The following ABCA6 variants were observed in gnomAD, a reference collection of about 807,000 sequenced individuals.
ABCA6 encodes ATP binding cassette subfamily A member 6, also known as ATP-binding cassette sub-family A member 6.
A neutral mutation model predicts 191.2 loss-of-function variants in ABCA6; 164 were observed. The observed-to-expected ratio is 0.86, with a 90% CI of 0.76 to 0.98. The LOEUF (loss-of-function observed/expected upper bound fraction) is 0.98. Among genes scored for constraint, ABCA6 ranks in the 50% least tolerant of loss-of-function variants. The pLI, the probability that ABCA6 is intolerant of heterozygous loss-of-function variation, is 0.00. For missense variants in ABCA6, 1,958 were observed against 1,894.1 expected, an observed-to-expected ratio of 1.03 and a Z score of -0.63; for synonymous variants, 636 against 647.7, an observed-to-expected ratio of 0.98 and a Z score of 0.27.
At chr17:69,109,883 A>G (rs193247372) in intron 17 of ABCA6, 1 of 152,296 alleles carries the variant, frequency 6.6e-6, no homozygotes, top group African/African-American at 2.4e-5. Context: ...GAAAAGCCAT[A>G]AAATGCTTCC....
At position 69,124,959 on chromosome 17, in the gene ABCA6, G is replaced by A. The variant is rs2073721860; in HGVS notation, c.1196C>T (p.Thr399Ile). The part of the protein sequence containing the change: ...PSGDSYTMIA[T>I]FSMLLLDGLI... Reference sequence around the variant, plus strand: ...ACCATCCAAAAGCAACATAGAAAAAGTTGCTATCATTGTATATGAGTCTCC... The same window carrying A: ...ACCATCCAAAAGCAACATAGAAAAAATTGCTATCATTGTATATGAGTCTCC... Residue 399 changes from threonine to isoleucine, a missense_variant, in exon 9 of 39, where the codon ACT becomes ATT. Thr to Ile is a moderately conservative substitution (Grantham distance 89). Coordinates refer to ENST00000284425, the MANE Select transcript of ABCA6 (RefSeq NM_080284.3). 1.3e-6 allele frequency: 2 copies of A among 1,572,538 alleles called. No individual in the cohort carries two copies. Among genetic ancestry groups the A allele is most frequent in the Non-Finnish European group, 1.7e-6 (2 of 1,157,656 alleles).
At chr17:69,121,227 C>A (rs992363387) in intron 10 of ABCA6, among the ~76,000 whole-genome samples, 1 of 152,052 alleles carries the variant, frequency 6.6e-6, no homozygotes, top group Non-Finnish European at 1.5e-5. Context: ...GAAATGATCA[C>A]TGTGAAGAAA....
At chr17:69,117,805 C>A in intron 11 of ABCA6, 93 bp downstream of exon 11, 1 of 866,172 alleles carries the variant, frequency 1.2e-6, no homozygotes, top group South Asian at 1.6e-5. Context: ...TTTTGCTTAT[C>A]TACATATTTC....
chr17:69,123,192 C>A (rs1305433286), intron 10 of ABCA6, 47 bp downstream of exon 10: 3 of 1,234,920 alleles, frequency 2.4e-6, no homozygotes, highest in Admixed American at 2.9e-5. Context: ...AATAATAATT[C>A]TTCAGCCTTG....
At chr17:69,079,143 C>T in intron 38 of ABCA6, 67 bp downstream of exon 38, 1 of 1,578,834 alleles carries the variant, frequency 6.3e-7, no homozygotes, top group Non-Finnish European at 8.7e-7. Flanking sequence ...TCCAAATGAA[C>T]AGGAAAATGC....
intron 3 of ABCA6, among the ~76,000 whole-genome samples, 159 bp downstream of exon 3, chr17:69,137,137 T>G (rs1208256695): frequency 1.3e-5 from 2 of 152,198 alleles, no homozygotes; most frequent in Non-Finnish European, 2.9e-5. Context: ...GGCTAGTTGT[T>G]GTGAGAGAAA....
rs894392206 is a variant in ABCA6 at position 69,086,509 on chromosome 17, A to G, written c.3937+109T>C. ...TAAATATATATATATATATATATAT[A>G]TAGAATAAATGAATGAATGCTTCAG... is the stretch of plus-strand genomic sequence containing the variant. On this transcript the variant is annotated intron_variant, in intron 30 of 38. Transcript: ENST00000284425. The G allele has an allele frequency of 5.4e-5, 18 of 336,446 alleles. No homozygotes were observed. The Admixed American group carries it at 5.7e-4, about 11-fold the overall frequency. 20.8% of individuals were successfully genotyped at this position (336,446 alleles called of 1,614,324 possible).
intron 16 of ABCA6, 95 bp downstream of exon 16, chr17:69,112,088 T>C (rs2073434346): frequency 1.1e-6 from 1 of 905,948 alleles, no homozygotes; most frequent in South Asian, 1.4e-5. Flanking sequence ...ATGGTAGAGA[T>C]GAAGCACGAG....
Position 69,081,108 on chromosome 17 carries a change from C to T in ABCA6, c.4654G>A (p.Asp1552Asn), listed in dbSNP as rs565714382. ...SLLTYKLPVA[D>N]VYPLSQTFHK... is the part of the protein sequence containing the mutation. ...AAGGTCTGTGATAGAGGGTAAACGT[C>T]TGCCACGGGCAGCTTATAGGTTAAC... The change falls in exon 37 of 39, where the codon GAC becomes AAC. Residue 1552 changes from aspartate to asparagine, a missense_variant. By Grantham distance (23) the Asp-to-Asn change is conservative. Coordinates refer to ENST00000284425, the MANE Select transcript of ABCA6 (RefSeq NM_080284.3). The T allele has an allele frequency of 5.4e-5, 87 of 1,604,718 alleles. 3 individuals are homozygous for T. In the South Asian group the frequency reaches 9.4e-4, roughly 17 times the overall value.
intron 18 of ABCA6, 32 bp from the exon 19 acceptor site, chr17:69,106,243 T>C: frequency 6.4e-7 from 1 of 1,566,656 alleles, no homozygotes; most frequent in Non-Finnish European, 8.6e-7. Flanking sequence ...AACACACATA[T>C]TATAATATTA....
Position 69,084,431 on chromosome 17 carries a change from C to A in ABCA6, c.4260+1G>T. ...CATAGAGCATCACACACCGCACGTA[C>A]CTTTCTCGTGATTCCTGCTGTTAAT... On this transcript the variant is annotated splice_donor_variant, in intron 33 of 38. Transcript: ENST00000284425. LOFTEE classifies it high-confidence loss of function. 1.2e-6 allele frequency: 2 copies of A among 1,614,164 alleles called. No individual in the cohort carries two copies. The highest frequency in any genetic ancestry group is 2.2e-5 in the East Asian group (1 of 44,878).
At chr17:69,115,313 G>C in intron 12 of ABCA6, 63 bp downstream of exon 12, 1 of 1,117,190 alleles carries the variant, frequency 9.0e-7, no homozygotes, top group Admixed American at 2.1e-5. Context: ...AAAATGAGAG[G>C]CATATGCTTG....
At chr17:69,102,385 A>G (rs1234069969) in intron 21 of ABCA6, among the ~76,000 whole-genome samples, 2 of 152,152 alleles carry the variant, frequency 1.3e-5, no homozygotes, top group Non-Finnish European at 2.9e-5. Flanking sequence ...ATGAATCTCT[A>G]TGGCTTGACT....
intron 26 of ABCA6, among the ~76,000 whole-genome samples, chr17:69,090,307 C>T (rs1319369360): frequency 1.3e-5 from 2 of 152,214 alleles, no homozygotes; most frequent in African/African-American, 2.4e-5. Flanking sequence ...GTGTTCTCCA[C>T]TTAACTTTCT....
chr17:69,092,288 A>C (rs1191323314), intron 25 of ABCA6, among the ~76,000 whole-genome samples: 1 of 152,220 alleles, frequency 6.6e-6, no homozygotes, highest in Non-Finnish European at 1.5e-5. Context: ...CATAAATGCC[A>C]GGTTTTAATA....
intron 2 of ABCA6, among the ~76,000 whole-genome samples, chr17:69,140,080 T>G (rs1170604664): frequency 6.6e-6 from 1 of 151,922 alleles, no homozygotes; most frequent in Non-Finnish European, 1.5e-5. Flanking sequence ...ACATGTACCC[T>G]AAAACTTAAA....
chr17:69,091,768 C>T (rs1296745589), intron 25 of ABCA6, among the ~76,000 whole-genome samples: 1 of 137,418 alleles, frequency 7.3e-6, no homozygotes, highest in East Asian at 2.0e-4. Flanking sequence ...GTGATCCGCC[C>T]GCCTCGGCCT....
At chr17:69,134,850 C>G in intron 4 of ABCA6, 108 bp from the exon 5 acceptor site, 1 of 607,056 alleles carries the variant, frequency 1.6e-6, no homozygotes, top group Non-Finnish European at 2.8e-6. Context: ...TACCAGTAAA[C>G]TTTTTTGGTG....
intron 36 of ABCA6, among the ~76,000 whole-genome samples, chr17:69,081,789 C>A (rs529672548): frequency 6.6e-6 from 1 of 152,250 alleles, no homozygotes; most frequent in South Asian, 2.1e-4. Context: ...TCCTTGATTC[C>A]CCCTCCTCCC....
Sources: allele counts gnomAD v4.1 joint callset (sites outside exome capture counted in the v4.1 genomes callset), GRCh38; gene constraint gnomAD v4.1.1; transcripts MANE v1.5; gene names NCBI Gene and HGNC (gene_info 2026-07-23, HGNC 2026-07-21).